TUBGCP4: variants seen among roughly 807,000 people sequenced by gnomAD.
TUBGCP4 encodes tubulin gamma complex component 4.
Under a neutral mutation model 91.6 loss-of-function variants are expected in TUBGCP4, and 54 were observed. The observed-to-expected ratio is 0.59, with a 90% CI of 0.47 to 0.74. The LOEUF (loss-of-function observed/expected upper bound fraction) is 0.74, where lower values mean the gene tolerates loss of function less well. TUBGCP4 is among the 30% of genes least tolerant of loss of function. The pLI is 0.00. For missense variants in TUBGCP4, 593 were observed against 800.9 expected (o/e 0.74, Z 3.13); for synonymous variants, 297 against 302.8 (o/e 0.98, Z 0.20).
At chr15:43,404,578 G>C in intron 17 of TUBGCP4, 26 bp downstream of exon 17, 1 of 1,610,114 alleles carries the variant, frequency 6.2e-7, no homozygotes, top group Non-Finnish European at 8.5e-7. Flanking sequence ...GGGTAACTCA[G>C]TAGACTTTTT....
chr15:43,395,093 G>C lies in TUBGCP4; in HGVS notation c.1015-14G>C, dbSNP rs745416565. ...TAATGAAATTTGTCCCTGTTTTGTT[G>C]GTTGTTTTCATAGCATCTCTGGAAG... On this transcript the variant is annotated splice_polypyrimidine_tract_variant and intron_variant, in intron 9 of 17. Coordinates refer to ENST00000564079, the MANE Select transcript of TUBGCP4 (RefSeq NM_014444.5). The C allele has an allele frequency of 6.2e-7, 1 of 1,614,006 alleles. No homozygotes were observed. Among genetic ancestry groups the C allele is most frequent in the Admixed American group, 1.7e-5 (1 of 60,020 alleles).
rs975952307 is a variant in TUBGCP4, at chr15:43,389,430, G to A, written c.1014+3100G>A. 3.3e-5 allele frequency among the ~76,000 whole-genome samples: 5 copies of A among 152,122 alleles called. No homozygotes were observed. The South Asian group carries it at 8.3e-4, about 25-fold the overall frequency. Reference sequence around the variant, plus strand: ...TTTTGAGATGGAGTCTTGCTGTGTTGCCCAGGCTGGTCTTGAACTCCTCGG... The same window carrying A: ...TTTTGAGATGGAGTCTTGCTGTGTTACCCAGGCTGGTCTTGAACTCCTCGG... On this transcript the variant is annotated intron_variant, in intron 9 of 17. Coordinates refer to ENST00000564079, the MANE Select transcript of TUBGCP4 (RefSeq NM_014444.5).
intron 5 of TUBGCP4, among the ~76,000 whole-genome samples, 168 bp downstream of exon 5, chr15:43,378,071 G>A (rs564837971): frequency 2.0e-5 from 3 of 152,278 alleles, no homozygotes; most frequent in African/African-American, 4.8e-5. Context: ...GAATGCAAAA[G>A]TATGACTCTG....
At chr15:43,399,390 C>G (rs542435625) in intron 13 of TUBGCP4, among the ~76,000 whole-genome samples, 2 of 152,218 alleles carry the variant, frequency 1.3e-5, no homozygotes, top group African/African-American at 2.4e-5. Flanking sequence ...TTTTTTGAGA[C>G]AGGGTCTTGC....
intron 5 of TUBGCP4, among the ~76,000 whole-genome samples, 159 bp from the exon 6 acceptor site, chr15:43,379,925 A>T (rs1285305497): frequency 6.6e-6 from 1 of 152,168 alleles, no homozygotes; most frequent in Non-Finnish European, 1.5e-5. Context: ...CTGATGGGAG[A>T]GAGGTCCCTC....
intron 11 of TUBGCP4, 120 bp downstream of exon 11, chr15:43,395,808 T>A: frequency 1.3e-6 from 1 of 776,072 alleles, no homozygotes; most frequent in Non-Finnish European, 2.2e-6. Context: ...TACAGAGCAG[T>A]GGCTTCCAGA....
intron 1 of TUBGCP4, among the ~76,000 whole-genome samples, chr15:43,373,668 A>T (rs1230141290): frequency 7.8e-6 from 1 of 127,790 alleles, no homozygotes; most frequent in Non-Finnish European, 1.6e-5. Flanking sequence ...TTTTTTTCCG[A>T]GATGGAGTCT....
Position 43,409,533 on chromosome 15 carries a change from G to A in TUBGCP4, c.*4319G>A. ...ACATTTTGGCAGTTTCTCAGTTCCTGAAATCTCTGGCTACTTTATCCAGGT... is the reference window on the plus strand; with the variant it reads ...ACATTTTGGCAGTTTCTCAGTTCCTAAAATCTCTGGCTACTTTATCCAGGT... On this transcript the variant is annotated 3_prime_UTR_variant, in exon 18 of 18. Transcript: ENST00000564079. The A allele has an allele frequency of 3.6e-6, 2 of 553,282 alleles. No homozygotes were observed. Among genetic ancestry groups the A allele is most frequent in the Non-Finnish European group, 6.2e-6 (2 of 322,380 alleles). The allele number at this position is 553,282 out of a possible 1,614,324, so 34.3% of individuals were successfully genotyped here.
intron 11 of TUBGCP4, among the ~76,000 whole-genome samples, chr15:43,396,900 A>G (rs1489352360): frequency 6.6e-6 from 1 of 152,186 alleles, no homozygotes; most frequent in Admixed American, 6.5e-5. Flanking sequence ...ACAATATAGC[A>G]TAACAAAGTA....
At position 43,407,595 on chromosome 15, in the gene TUBGCP4, G is replaced by A. The variant is rs942836114; in HGVS notation, c.*2381G>A. The A allele has an allele frequency of 3.1e-6, 5 of 1,595,806 alleles. No homozygotes were observed. In the South Asian group the frequency reaches 3.4e-5, roughly 11 times the overall value. The stretch of plus-strand genomic sequence containing the variant: ...TCTGCAAGGAGCAAGGGAAAGTGAA[G>A]AAGGAAAGGACACTCAACTTAGCCC... On this transcript the variant is annotated 3_prime_UTR_variant, in exon 18 of 18. Transcript: ENST00000564079.
rs1248381826 is a variant in TUBGCP4 at position 43,405,376 on chromosome 15, C to T, written c.*162C>T. 4 of 732,516 alleles carry T rather than the reference C, an allele frequency of 5.5e-6. No individual in the cohort carries two copies. The highest frequency in any genetic ancestry group is 2.7e-5 in the East Asian group (1 of 37,088). The allele number at this position is 732,516 out of a possible 1,614,324, so 45.4% of individuals were successfully genotyped here. A position where few individuals can be genotyped will look rare whatever the true frequency, so the allele number is the denominator to read the frequency against. ...AGTTACTGAACATCCAGGAGTACAACTCCTTCCCATCATTCCCATGTGGAA... is the reference window on the plus strand; with the variant it reads ...AGTTACTGAACATCCAGGAGTACAATTCCTTCCCATCATTCCCATGTGGAA... On this transcript the variant is annotated 3_prime_UTR_variant, in exon 18 of 18. Transcript: ENST00000564079.
chr15:43,381,752 C>A (rs546015670), intron 6 of TUBGCP4, among the ~76,000 whole-genome samples: 105 of 151,548 alleles, frequency 6.9e-4, no homozygotes, highest in African/African-American at 2.3e-3. Flanking sequence ...ACAAAAAAAA[C>A]CAACCAAACG....
chr15:43,409,717 T>G lies in TUBGCP4; in HGVS notation c.*4503T>G. ...AAGCTGGGATTCTGTATACTGCTTG[T>G]TGAAAGGAGGAATTTCCAAAAATTC... On this transcript the variant is annotated 3_prime_UTR_variant, in exon 18 of 18. Coordinates refer to ENST00000564079, the MANE Select transcript of TUBGCP4 (RefSeq NM_014444.5). 6.4e-7 allele frequency: 1 copy of G among 1,559,338 alleles called. No homozygotes were observed. Among genetic ancestry groups the G allele is most frequent in the Non-Finnish European group, 8.7e-7 (1 of 1,155,018 alleles).
rs1265953158 is a variant in TUBGCP4 at position 43,393,114 on chromosome 15, A to G, written c.1015-1993A>G. ...AGATGAACCCATGTTGCATTTATCAATGGTTTATTCCTTTATATTACTTAC... is the reference window on the plus strand; with the variant it reads ...AGATGAACCCATGTTGCATTTATCAGTGGTTTATTCCTTTATATTACTTAC... On this transcript the variant is annotated intron_variant, in intron 9 of 17. Coordinates refer to ENST00000564079, the MANE Select transcript of TUBGCP4 (RefSeq NM_014444.5). Among the ~76,000 whole-genome samples the G allele has an allele frequency of 3.3e-5, 5 of 152,260 alleles. No individual in the cohort carries two copies. The South Asian group carries it at 6.2e-4, about 19-fold the overall frequency.
intron 9 of TUBGCP4, among the ~76,000 whole-genome samples, chr15:43,393,089 A>G (rs760107633): frequency 1.3e-5 from 2 of 152,174 alleles, no homozygotes; most frequent in Admixed American, 6.5e-5. Context: ...AATTATTTTG[A>G]GATGAACCCA....
At chr15:43,379,250 T>C (rs1191663792) in intron 5 of TUBGCP4, among the ~76,000 whole-genome samples, 3 of 152,226 alleles carry the variant, frequency 2.0e-5, no homozygotes, top group Admixed American at 1.3e-4. Context: ...TGGATTGTGG[T>C]AATGGTTGCC....
At chr15:43,401,977 AG>A in intron 15 of TUBGCP4, 127 bp downstream of exon 15, 1 of 1,313,004 alleles carries the variant, frequency 7.6e-7, no homozygotes, top group Non-Finnish European at 1.0e-6. Context: ...ACATTTTTTA[AG>A]AATGTGTAAA....
At chr15:43,382,734 A>G (rs1460627972) in intron 6 of TUBGCP4, among the ~76,000 whole-genome samples, 3 of 152,054 alleles carry the variant, frequency 2.0e-5, no homozygotes, top group African/African-American at 4.8e-5. Flanking sequence ...ATAGAGGTAC[A>G]TTTTCCCCTT....
In TUBGCP4 at chr15:43,376,598, C is replaced by G; in HGVS notation, c.303C>G (p.Arg101=). Residue 101 remains arginine (R), a synonymous_variant, in exon 3 of 18, where the codon CGC becomes CGG. Transcript: ENST00000564079. Reference sequence around the variant, plus strand: ...TGGATTCTGTTTTGCAGCCTTATCGCCAAGCACTGCTTGATTTGGAACAAG... The same window carrying G: ...TGGATTCTGTTTTGCAGCCTTATCGGCAAGCACTGCTTGATTTGGAACAAG... ...TGLDSVLQPY[R]QALLDLEQEF... 1 of 1,614,152 alleles carries G rather than the reference C, an allele frequency of 6.2e-7. No individual in the cohort carries two copies. The highest frequency in any genetic ancestry group is 8.5e-7 in the Non-Finnish European group (1 of 1,180,028).
Sources: allele counts gnomAD v4.1 joint callset (sites outside exome capture counted in the v4.1 genomes callset), GRCh38; gene constraint gnomAD v4.1.1; transcripts MANE v1.5; gene names NCBI Gene and HGNC (gene_info 2026-07-23, HGNC 2026-07-21).